Variants in ARHGAP6 observed in about 807,000 individuals in gnomAD.
The protein encoded by ARHGAP6 is Rho GTPase activating protein 6.
A neutral mutation model predicts 55.7 loss-of-function variants in ARHGAP6; 16 were observed. The ratio of observed to expected loss-of-function variants is 0.29; its 90% CI spans 0.19 to 0.44. The LOEUF is 0.44. ARHGAP6 is among the 20% of genes least tolerant of loss of function. The pLI is 1.00. For missense variants in ARHGAP6, 698 were observed against 808.9 expected, an observed-to-expected ratio of 0.86 and a Z score of 1.66; for synonymous variants, 382 against 360.9, an observed-to-expected ratio of 1.06 and a Z score of -0.66.
At chrX:11,357,407 T>C (rs1300840503) in intron 1 of ARHGAP6, among the ~76,000 whole-genome samples, 3 of 111,489 alleles carry the variant, frequency 2.7e-5, no homozygotes, top group Non-Finnish European at 5.6e-5. Flanking sequence ...TCATGGAGAT[T>C]CCTGGCTTTT....
At chrX:11,428,045 ACCCCGG>A in intron 1 of ARHGAP6, among the ~76,000 whole-genome samples, 1 of 112,326 alleles carries the variant, frequency 8.9e-6, no homozygotes, top group Non-Finnish European at 1.9e-5. Flanking sequence ...GACCCGTGGG[ACCCCGG>A]CTGCTGAGGC....
intron 5 of ARHGAP6, among the ~76,000 whole-genome samples, chrX:11,184,345 C>T (rs1434605052): frequency 1.8e-5 from 2 of 112,521 alleles, no homozygotes; most frequent in Non-Finnish European, 3.8e-5. Context: ...GCCTTGGCCT[C>T]CCAAAGTGTT....
At chrX:11,498,426 C>A (rs1351713306) in intron 1 of ARHGAP6, among the ~76,000 whole-genome samples, 5 of 112,111 alleles carry the variant, frequency 4.5e-5, no homozygotes, top group African/African-American at 1.6e-4. Flanking sequence ...TGCCTGTTGC[C>A]AGATGACTAA....
At chrX:11,382,076 T>A (rs1437071813) in intron 1 of ARHGAP6, among the ~76,000 whole-genome samples, 3 of 111,714 alleles carry the variant, frequency 2.7e-5, no homozygotes, top group Non-Finnish European at 5.7e-5. Flanking sequence ...TGTAATGTTG[T>A]TGGTTGTGGT....
At chrX:11,222,121 C>T (rs2046981084) in intron 2 of ARHGAP6, among the ~76,000 whole-genome samples, 1 of 111,753 alleles carries the variant, frequency 8.9e-6, no homozygotes, top group Middle Eastern at 4.2e-3. Flanking sequence ...AACTTTTCTA[C>T]CCAGTGAGAA....
At chrX:11,540,627 G>A (rs1365937895) in intron 1 of ARHGAP6, among the ~76,000 whole-genome samples, 1 of 112,002 alleles carries the variant, frequency 8.9e-6, no homozygotes, top group East Asian at 2.8e-4. Context: ...CTACCCAGCA[G>A]CCACCAGTGG....
At chrX:11,408,462 C>A in intron 1 of ARHGAP6, among the ~76,000 whole-genome samples, 1 of 111,570 alleles carries the variant, frequency 9.0e-6, no homozygotes, top group Non-Finnish European at 1.9e-5. Flanking sequence ...TACACAGTTT[C>A]CTCTTGCTCT....
chrX:11,658,919 G>T (rs191168096), intron 1 of ARHGAP6, among the ~76,000 whole-genome samples: 1 of 109,751 alleles, frequency 9.1e-6, no homozygotes, highest in Non-Finnish European at 1.9e-5. Context: ...CCCACTAGAC[G>T]CCAGTAGCAC....
intron 5 of ARHGAP6, among the ~76,000 whole-genome samples, chrX:11,185,134 G>A (rs2046369207): frequency 9.8e-6 from 1 of 102,204 alleles, no homozygotes; most frequent in Middle Eastern, 5.0e-3. Context: ...TCATTATGTG[G>A]TGCATGACTG....
intron 1 of ARHGAP6, among the ~76,000 whole-genome samples, chrX:11,491,720 T>G (rs1241607832): frequency 3.6e-5 from 4 of 111,277 alleles, no homozygotes; most frequent in African/African-American, 1.3e-4. Context: ...GTCCTTTGGG[T>G]GTATACCCAG....
chrX:11,599,825 A>C (rs1263771278), intron 1 of ARHGAP6, among the ~76,000 whole-genome samples: 1 of 112,247 alleles, frequency 8.9e-6, no homozygotes, highest in Non-Finnish European at 1.9e-5. Flanking sequence ...ATATGATCAT[A>C]AACTTGACTG....
At position 11,298,832 on chromosome X, in the gene ARHGAP6, GC is replaced by G. The variant is rs387906489; in HGVS notation, c.589-44126del. 1 of 1,210,606 alleles carries G rather than the reference GC, an allele frequency of 8.3e-7. No individual in the cohort carries two copies. Among genetic ancestry groups the G allele is most frequent in the Non-Finnish European group, 1.1e-6 (1 of 895,151 alleles). ...AGCCTCACCAGCCCATGCAGCCCCA[GC>G]CACCTGTGCACCCCATGCAGCCCCT... On this transcript the variant is annotated intron_variant, in intron 1 of 12. Transcript: ENST00000337414.
chrX:11,508,170 T>A (rs12012600), intron 1 of ARHGAP6, among the ~76,000 whole-genome samples: 39 of 110,718 alleles, frequency 3.5e-4, no homozygotes, highest in African/African-American at 1.3e-3. Flanking sequence ...AAAAAATGAG[T>A]ATTTTTTTAA....
intron 1 of ARHGAP6, among the ~76,000 whole-genome samples, 173 bp downstream of exon 1, chrX:11,664,068 T>C (rs1314388755): frequency 8.9e-6 from 1 of 112,523 alleles, no homozygotes. Context: ...GGGTGGCCAC[T>C]AGGGACATCC....
chrX:11,444,147 G>A (rs942610661), intron 1 of ARHGAP6, among the ~76,000 whole-genome samples: 1 of 111,560 alleles, frequency 9.0e-6, no homozygotes, highest in African/African-American at 3.3e-5. Context: ...TTTAGACTTC[G>A]GAGGTCATAT....
intron 1 of ARHGAP6, among the ~76,000 whole-genome samples, chrX:11,376,828 C>T (rs1451369753): frequency 9.0e-6 from 1 of 110,996 alleles, no homozygotes; most frequent in East Asian, 2.8e-4. Context: ...AAGCAAAGAC[C>T]ATCAATTCTA....
chrX:11,472,153 T>C (rs2050353189), intron 1 of ARHGAP6, among the ~76,000 whole-genome samples: 1 of 111,196 alleles, frequency 9.0e-6, no homozygotes. Context: ...TGATTCCCTG[T>C]TGTGAGGGTG....
intron 2 of ARHGAP6, among the ~76,000 whole-genome samples, chrX:11,204,483 T>C (rs1409885947): frequency 4.5e-5 from 5 of 112,056 alleles, no homozygotes; most frequent in Non-Finnish European, 9.4e-5. Context: ...ATAAATTAGT[T>C]GATCTTTCTC....
chrX:11,413,131 C>T (rs893849137), intron 1 of ARHGAP6, among the ~76,000 whole-genome samples: 3 of 112,082 alleles, frequency 2.7e-5, no homozygotes, highest in South Asian at 3.8e-4. Context: ...TTCTGTGCCC[C>T]GACCTACTCG....
Sources: allele counts gnomAD v4.1 joint callset (sites outside exome capture counted in the v4.1 genomes callset), GRCh38; gene constraint gnomAD v4.1.1; transcripts MANE v1.5; gene names NCBI Gene and HGNC (gene_info 2026-07-23, HGNC 2026-07-21).